The following EYS variants were observed in gnomAD, a reference collection of about 807,000 sequenced individuals.
EYS encodes EGF-like photoreceptor maintenance factor.
A neutral mutation model predicts 282.1 loss-of-function variants in EYS; 250 were observed. That is an observed-to-expected ratio of 0.89 (90% CI 0.80 to 0.98). The LOEUF is 0.98. Among genes scored for constraint, EYS ranks in the 50% least tolerant of loss-of-function variants. EYS has a pLI of 0.00. For synonymous variants in EYS, 1,355 were observed against 1,282.9 expected, an observed-to-expected ratio of 1.06 and a Z score of -1.20; for missense variants, 4,016 against 3,709.0, an observed-to-expected ratio of 1.08 and a Z score of -2.15.
intron 11 of EYS, among the ~76,000 whole-genome samples, chr6:65,322,485 C>T (rs1198787571): frequency 1.3e-5 from 2 of 152,020 alleles, no homozygotes; most frequent in African/African-American, 4.8e-5. Flanking sequence ...TATATCCATG[C>T]GACCAGCAGG....
chr6:65,072,202 G>A (rs780777292), intron 12 of EYS, among the ~76,000 whole-genome samples: 4 of 151,656 alleles, frequency 2.6e-5, no homozygotes, highest in African/African-American at 4.8e-5. Flanking sequence ...TCCCAAACAG[G>A]GCTACATATT....
At chr6:65,157,638 C>T (rs1764758465) in intron 12 of EYS, among the ~76,000 whole-genome samples, 1 of 150,376 alleles carries the variant, frequency 6.6e-6, no homozygotes, top group African/African-American at 2.4e-5. Flanking sequence ...CTAAACTAGT[C>T]TGGGTTAGAA....
chr6:64,020,203 T>C (rs1769121971), intron 33 of EYS, among the ~76,000 whole-genome samples: 1 of 152,112 alleles, frequency 6.6e-6, no homozygotes, highest in Non-Finnish European at 1.5e-5. Context: ...TCAAAATAGC[T>C]AGACTAGAGG....
chr6:64,842,254 A>G (rs1404485065), intron 19 of EYS, among the ~76,000 whole-genome samples: 3 of 151,612 alleles, frequency 2.0e-5, no homozygotes, highest in African/African-American at 7.3e-5. Flanking sequence ...ACAGAAAAAC[A>G]AAAGAGATTG....
rs144972110 is a variant in EYS, at chr6:64,116,579, G to T, written c.6425-34577C>A. 5.2e-3 allele frequency among the ~76,000 whole-genome samples: 785 copies of T among 152,160 alleles called. 6 individuals are homozygous for T. Among genetic ancestry groups the T allele is most frequent in the African/African-American group, 0.017 (725 of 41,534 alleles). On this transcript the variant is annotated intron_variant, in intron 31 of 42. Transcript: ENST00000503581. ...AATAGGTTAAATTCTCCAATCAAAAGACATAGAGTAGATAAATGGGTAAGA... is the reference window on the plus strand; with the variant it reads ...AATAGGTTAAATTCTCCAATCAAAATACATAGAGTAGATAAATGGGTAAGA...
intron 2 of EYS, among the ~76,000 whole-genome samples, chr6:65,606,817 G>A (rs1765812299): frequency 6.6e-6 from 1 of 151,354 alleles, no homozygotes; most frequent in South Asian, 2.1e-4. Flanking sequence ...ACAGATATAA[G>A]TAAAAAAGAG....
intron 41 of EYS, among the ~76,000 whole-genome samples, chr6:63,733,241 T>A (rs111653771): frequency 2.9e-3 from 435 of 152,296 alleles, no homozygotes; most frequent in Non-Finnish European, 4.8e-3. Context: ...TTTCACCTAC[T>A]GGCTAGCTAA....
chr6:63,867,885 T>G (rs1772706292), intron 35 of EYS, among the ~76,000 whole-genome samples: 1 of 152,178 alleles, frequency 6.6e-6, no homozygotes. Flanking sequence ...GAGACTCTTT[T>G]GCATAGCCTA....
chr6:64,824,232 A>G (rs1382430612), intron 19 of EYS, among the ~76,000 whole-genome samples: 2 of 151,874 alleles, frequency 1.3e-5, no homozygotes, highest in Non-Finnish European at 2.9e-5. Context: ...TAAGTCTTTC[A>G]CCTACAAATC....
chr6:65,587,478 T>G (rs1224124271), intron 2 of EYS, among the ~76,000 whole-genome samples: 1 of 152,066 alleles, frequency 6.6e-6, no homozygotes, highest in Non-Finnish European at 1.5e-5. Context: ...CCCCTTCCCT[T>G]AGCTCTCTCC....
intron 32 of EYS, among the ~76,000 whole-genome samples, chr6:64,078,354 T>G (rs892645053): frequency 2.6e-5 from 4 of 152,068 alleles, no homozygotes; most frequent in Non-Finnish European, 4.4e-5. Context: ...CATAATATAC[T>G]GATTTCAAAG....
intron 1 of EYS, among the ~76,000 whole-genome samples, chr6:65,666,795 A>G (rs1390329192): frequency 6.6e-6 from 1 of 151,512 alleles, no homozygotes; most frequent in Non-Finnish European, 1.5e-5. Flanking sequence ...ATAGAATAAA[A>G]AAGGTTCTTT....
intron 35 of EYS, among the ~76,000 whole-genome samples, chr6:63,958,683 A>G (rs1765924093): frequency 6.6e-6 from 1 of 152,232 alleles, no homozygotes; most frequent in Non-Finnish European, 1.5e-5. Context: ...CAAAACTTCA[A>G]AGGACAGGCT....
At chr6:65,136,507 A>G (rs928753459) in intron 12 of EYS, among the ~76,000 whole-genome samples, 3 of 152,080 alleles carry the variant, frequency 2.0e-5, no homozygotes, top group African/African-American at 7.2e-5. Flanking sequence ...TTCAACATGT[A>G]ATAATATTTA....
In EYS at chr6:64,902,168, C is replaced by T. The variant is rs1209836295; in HGVS notation, c.2791G>A (p.Glu931Lys). Residue 931 changes from glutamate (E) to lysine (K), a missense_variant, in exon 18 of 43, where the codon GAA (glutamate) becomes AAA (lysine). By Grantham distance (56) the Glu-to-Lys change is moderately conservative (BLOSUM62 1). Transcript: ENST00000503581. ...TTTTTGCAAGGTTCAGAGGAACATT[C>T]ATTAATTTCAATTTCACACAGAGAT... The part of the protein sequence containing the change: ...SGSLCEIEIN[E>K]CSSEPCKNNG... 3 of 1,550,608 alleles carry T rather than the reference C, an allele frequency of 1.9e-6. No homozygotes were observed. In the East Asian group the frequency reaches 7.3e-5, roughly 38 times the overall value.
intron 2 of EYS, among the ~76,000 whole-genome samples, chr6:65,500,675 C>G (rs1177201062): frequency 6.6e-6 from 1 of 152,048 alleles, no homozygotes; most frequent in Admixed American, 6.6e-5. Context: ...GAGCACCACT[C>G]TACAAGTGCC....
At chr6:65,330,533 G>C in intron 11 of EYS, 1 of 983,598 alleles carries the variant, frequency 1.0e-6, no homozygotes, top group Non-Finnish European at 1.2e-6. Context: ...AAGATTTCAG[G>C]GCAAAAAAAT....
chr6:64,676,973 T>C (rs530415477), intron 22 of EYS, among the ~76,000 whole-genome samples: 1 of 152,280 alleles, frequency 6.6e-6, no homozygotes, highest in Admixed American at 6.5e-5. Flanking sequence ...CCATCCACTT[T>C]ATATGTTAAA....
chr6:65,240,408 T>C (rs1025767580), intron 12 of EYS, among the ~76,000 whole-genome samples: 1 of 152,114 alleles, frequency 6.6e-6, no homozygotes, highest in Non-Finnish European at 1.5e-5. Context: ...CTAATGGTAG[T>C]TTTTTCAGCA....
Sources: allele counts gnomAD v4.1 joint callset (sites outside exome capture counted in the v4.1 genomes callset), GRCh38; gene constraint gnomAD v4.1.1; transcripts MANE v1.5; gene names NCBI Gene and HGNC (gene_info 2026-07-23, HGNC 2026-07-21).